The following PLCXD3 variants were observed in gnomAD, a reference collection of about 807,000 sequenced individuals.
PLCXD3 encodes PI-PLC X domain-containing protein 3.
A neutral mutation model predicts 25.5 loss-of-function variants in PLCXD3; 19 were observed. That is an observed-to-expected ratio of 0.75 (90% CI 0.52 to 1.09). PLCXD3 has a LOEUF of 1.09. PLCXD3 is among the 50% of genes least tolerant of loss of function. The probability of loss-of-function intolerance (pLI) is 0.00; values close to 1 mark genes in which losing one functional copy is unlikely to be tolerated. For missense variants in PLCXD3, 411 were observed against 388.1 expected (o/e 1.06, Z -0.50); for synonymous variants, 174 against 137.6 (o/e 1.26, Z -1.85).
chr5:41,338,756 G>A (rs1426713432), intron 2 of PLCXD3, among the ~76,000 whole-genome samples: 4 of 151,950 alleles, frequency 2.6e-5, no homozygotes, highest in African/African-American at 7.2e-5. Context: ...CACACCATCT[G>A]TATCTTCCCT....
intron 1 of PLCXD3, among the ~76,000 whole-genome samples, chr5:41,505,225 G>C (rs915208613): frequency 6.6e-6 from 1 of 151,494 alleles, no homozygotes; most frequent in Admixed American, 6.6e-5. Flanking sequence ...GAGTGTGTGT[G>C]CATGTGTGTG....
In PLCXD3 at chr5:41,381,960, G is replaced by C; in HGVS notation, c.678C>G (p.Ile226Met). Residue 226 changes from isoleucine (I) to methionine (M), a missense_variant, in exon 2 of 3, where the codon ATC becomes ATG. Ile to Met is a conservative substitution (Grantham distance 10, BLOSUM62 1). Transcript: ENST00000377801. ...WANTTDPEKL[I>M]QFLQASITER... ...CAGTGATGGATGCTTGAAGAAACTGGATCAGTTTCTCGGGGTCTGTGGTGT... is the reference window on the plus strand; with the variant it reads ...CAGTGATGGATGCTTGAAGAAACTGCATCAGTTTCTCGGGGTCTGTGGTGT... The C allele has an allele frequency of 6.2e-7, 1 of 1,613,426 alleles. No individual in the cohort carries two copies. The highest frequency in any genetic ancestry group is 8.5e-7 in the Non-Finnish European group (1 of 1,179,688).
chr5:41,391,638 G>A (rs1599350), intron 1 of PLCXD3, among the ~76,000 whole-genome samples: 3 of 152,162 alleles, frequency 2.0e-5, no homozygotes, highest in African/African-American at 7.2e-5. Flanking sequence ...ATTACCACCT[G>A]TGGTGGCTAC....
intron 1 of PLCXD3, among the ~76,000 whole-genome samples, chr5:41,502,322 A>G (rs1046664835): frequency 6.6e-6 from 1 of 152,082 alleles, no homozygotes; most frequent in Non-Finnish European, 1.5e-5. Flanking sequence ...TCAGAGGTGA[A>G]GTAATCAGTT....
At chr5:41,465,085 G>A (rs190873334) in intron 1 of PLCXD3, among the ~76,000 whole-genome samples, 1 of 152,018 alleles carries the variant, frequency 6.6e-6, no homozygotes, top group East Asian at 1.9e-4. Flanking sequence ...ATTATTAAAA[G>A]CATTTATTGT....
chr5:41,467,244 T>C (rs1228687974), intron 1 of PLCXD3, among the ~76,000 whole-genome samples: 1 of 152,162 alleles, frequency 6.6e-6, no homozygotes, highest in Non-Finnish European at 1.5e-5. Flanking sequence ...GTTAAAGCCA[T>C]TCTAATAGGT....
At chr5:41,338,635 A>G (rs1744050167) in intron 2 of PLCXD3, among the ~76,000 whole-genome samples, 1 of 151,980 alleles carries the variant, frequency 6.6e-6, no homozygotes, top group Non-Finnish European at 1.5e-5. Context: ...TACTATTACA[A>G]GTTTCTTTCT....
In PLCXD3 at chr5:41,382,277, C is replaced by T; in HGVS notation, c.361G>A (p.Val121Ile). 2 of 1,613,654 alleles carry T rather than the reference C, an allele frequency of 1.2e-6. No individual in the cohort carries two copies. The highest frequency in any genetic ancestry group is 2.2e-5 in the South Asian group (2 of 91,076). Residue 121 changes from valine to isoleucine, a missense_variant, in exon 2 of 3, where the codon GTC (valine) becomes ATC (isoleucine). Physicochemically the swap from Val to Ile is conservative, Grantham distance 29. Transcript: ENST00000377801. ...TTGATCTCCTCAAGGCCTTCATTGA[C>T]TTTGGCACTGAACAAACCATGAGCA... is the stretch of plus-strand genomic sequence containing the variant. Reference protein sequence around the residue: ...YFAHGLFSAKVNEGLEEINAF... With the variant: ...YFAHGLFSAKINEGLEEINAF...
At chr5:41,436,380 G>A (rs1368556671) in intron 1 of PLCXD3, among the ~76,000 whole-genome samples, 2 of 152,056 alleles carry the variant, frequency 1.3e-5, no homozygotes, top group African/African-American at 4.8e-5. Flanking sequence ...GTGATTATTT[G>A]CAAGTTACTT....
chr5:41,467,515 T>G (rs1483240046), intron 1 of PLCXD3, among the ~76,000 whole-genome samples: 2 of 152,334 alleles, frequency 1.3e-5, no homozygotes, highest in Admixed American at 6.5e-5. Flanking sequence ...CACTTCACTT[T>G]GTTATTTGTT....
At chr5:41,398,535 C>G (rs575535838) in intron 1 of PLCXD3, among the ~76,000 whole-genome samples, 11 of 152,178 alleles carry the variant, frequency 7.2e-5, no homozygotes, top group African/African-American at 2.6e-4. Flanking sequence ...ACATAATGAC[C>G]AAGAGGGATT....
intron 1 of PLCXD3, among the ~76,000 whole-genome samples, chr5:41,469,612 C>T (rs1748105698): frequency 6.6e-6 from 1 of 151,872 alleles, no homozygotes; most frequent in African/African-American, 2.4e-5. Context: ...AATATATCTA[C>T]TTCCTCTAGT....
At chr5:41,382,647 A>G in intron 1 of PLCXD3, 113 bp from the exon 2 acceptor site, 5 of 800,946 alleles carry the variant, frequency 6.2e-6, no homozygotes, top group Non-Finnish European at 9.5e-6. Flanking sequence ...AGAAAATACT[A>G]AGAAATGTAA....
chr5:41,487,547 A>G lies in PLCXD3; in HGVS notation c.103+22877T>C, dbSNP rs150658476. Among the ~76,000 whole-genome samples, 21 of 152,362 alleles carry G rather than the reference A, an allele frequency of 1.4e-4. No individual in the cohort carries two copies. The East Asian group carries it at 3.9e-3, about 28-fold the overall frequency. Reference sequence around the variant, plus strand: ...TTCTACTCATTTGAGAAATAAAAACATATAAACAAATAAAGTAGTTATTCA... The same window carrying G: ...TTCTACTCATTTGAGAAATAAAAACGTATAAACAAATAAAGTAGTTATTCA... On this transcript the variant is annotated intron_variant, in intron 1 of 2. Coordinates refer to ENST00000377801, the MANE Select transcript of PLCXD3 (RefSeq NM_001005473.3).
intron 1 of PLCXD3, among the ~76,000 whole-genome samples, chr5:41,507,881 G>C (rs1749083475): frequency 6.6e-6 from 1 of 152,322 alleles, no homozygotes; most frequent in Admixed American, 6.5e-5. Flanking sequence ...TATTCCATTA[G>C]TGTTTAATAG....
At chr5:41,345,683 T>TAC (rs57657516) in intron 2 of PLCXD3, among the ~76,000 whole-genome samples, 2,781 of 146,108 alleles carry the variant, frequency 0.019, 48 homozygotes, top group East Asian at 0.087. Context: ...TACATATGTG[T>TAC]ACACACACAC....
chr5:41,474,452 G>A (rs986769636), intron 1 of PLCXD3, among the ~76,000 whole-genome samples: 2 of 152,098 alleles, frequency 1.3e-5, no homozygotes, highest in Non-Finnish European at 2.9e-5. Flanking sequence ...AATTGATCAT[G>A]ACCCTCATTC....
intron 1 of PLCXD3, among the ~76,000 whole-genome samples, chr5:41,406,335 T>A (rs1256160053): frequency 6.6e-6 from 1 of 152,182 alleles, no homozygotes; most frequent in Non-Finnish European, 1.5e-5. Context: ...ACCATCTAAT[T>A]TGACCTGCAT....
intron 2 of PLCXD3, among the ~76,000 whole-genome samples, chr5:41,370,737 A>C (rs1035223508): frequency 3.9e-5 from 6 of 152,144 alleles, no homozygotes; most frequent in African/African-American, 1.4e-4. Context: ...CCATGCAAAC[A>C]AGCCCAAGAA....
Sources: gnomAD v4.1 joint callset for allele counts (sites outside exome capture counted in the v4.1 genomes callset) on GRCh38, gnomAD v4.1.1 for gene constraint, MANE v1.5 for transcripts, NCBI Gene and HGNC (gene_info 2026-07-23, HGNC 2026-07-21) for gene names.